The following SLC35F4 variants were observed in gnomAD, a reference collection of about 807,000 sequenced individuals.
SLC35F4 encodes the protein solute carrier family 35 member F4, also known as chromosome 14 open reading frame 36.
Under a neutral mutation model 44.2 loss-of-function variants are expected in SLC35F4, and 24 were observed. The observed-to-expected ratio is 0.54, with a 90% CI of 0.39 to 0.76. SLC35F4 has a LOEUF of 0.76. SLC35F4 is among the 30% of genes least tolerant of loss of function. The pLI is 0.00. For missense variants in SLC35F4, 562 were observed against 586.1 expected (o/e 0.96, Z 0.42); for synonymous variants, 238 against 223.6 (o/e 1.06, Z -0.57).
intron 1 of SLC35F4, chr14:57,629,970 T>A (rs1467878902): frequency 1.9e-6 from 1 of 521,162 alleles, no homozygotes; most frequent in Non-Finnish European, 3.8e-6. Context: ...ACACCAGGTA[T>A]GAAGATTTAC....
intron 1 of SLC35F4, among the ~76,000 whole-genome samples, chr14:57,647,772 C>G (rs1390047598): frequency 3.3e-5 from 5 of 152,120 alleles, no homozygotes; most frequent in Non-Finnish European, 7.4e-5. Context: ...GAATCCTCAT[C>G]CTTCACACCT....
At chr14:57,784,503 G>A (rs1399493833) in intron 1 of SLC35F4, among the ~76,000 whole-genome samples, 3 of 152,100 alleles carry the variant, frequency 2.0e-5, no homozygotes, top group Non-Finnish European at 2.9e-5. Context: ...GGGCTACATG[G>A]TAAGATCCTG....
At chr14:57,744,756 G>A (rs2076710099) in intron 1 of SLC35F4, among the ~76,000 whole-genome samples, 1 of 152,038 alleles carries the variant, frequency 6.6e-6, no homozygotes, top group Non-Finnish European at 1.5e-5. Flanking sequence ...AAGTTCATAT[G>A]GAACCAAAAA....
intron 1 of SLC35F4, among the ~76,000 whole-genome samples, chr14:57,652,638 C>T (rs554479974): frequency 8.6e-5 from 13 of 151,808 alleles, no homozygotes; most frequent in Non-Finnish European, 1.6e-4. Flanking sequence ...AACCCCCACA[C>T]AAAGATCTAA....
At chr14:57,772,664 C>A (rs944657321) in intron 1 of SLC35F4, among the ~76,000 whole-genome samples, 1 of 152,160 alleles carries the variant, frequency 6.6e-6, no homozygotes, top group South Asian at 2.1e-4. Flanking sequence ...ACAATAGCCT[C>A]TAGTTCCATC....
At chr14:57,880,025 GAAAGGAGGGAGGAAGGAAGGA>G (rs1189196172) in intron 1 of SLC35F4, among the ~76,000 whole-genome samples, 1 of 129,252 alleles carries the variant, frequency 7.7e-6, no homozygotes, top group African/African-American at 3.2e-5. Context: ...GAAAGGAAAG[GAAAGGAGGGAGGAAGGAAGGA>G]AGGAAGGAAG....
intron 1 of SLC35F4, among the ~76,000 whole-genome samples, chr14:57,701,459 A>G (rs1250362646): frequency 6.6e-6 from 1 of 152,202 alleles, no homozygotes; most frequent in African/African-American, 2.4e-5. Context: ...CTGTTAACAC[A>G]GTCATTTATT....
chr14:57,883,917 T>C (rs893877157), intron 1 of SLC35F4, among the ~76,000 whole-genome samples: 1 of 152,232 alleles, frequency 6.6e-6, no homozygotes, highest in Non-Finnish European at 1.5e-5. Flanking sequence ...CAGTATTTGA[T>C]TGTCCGTGTT....
At chr14:57,727,372 C>T (rs2076231115) in intron 1 of SLC35F4, among the ~76,000 whole-genome samples, 1 of 151,578 alleles carries the variant, frequency 6.6e-6, no homozygotes, top group Non-Finnish European at 1.5e-5. Context: ...TTTTGTTGAT[C>T]TTTTATGTTT....
intron 1 of SLC35F4, among the ~76,000 whole-genome samples, chr14:57,711,513 A>G (rs1057221068): frequency 6.6e-6 from 1 of 152,212 alleles, no homozygotes; most frequent in Non-Finnish European, 1.5e-5. Context: ...TTTATGTACA[A>G]TAATGGAAAT....
rs1342545607 is a variant in SLC35F4, at chr14:57,945,442, T to TGC, written n.282+36470_282+36471insGC. 7.9e-5 allele frequency among the ~76,000 whole-genome samples: 2 copies of TGC among 25,168 alleles called. 1 individual carries two copies. The highest frequency in any genetic ancestry group is 5.2e-4 in the African/African-American group (2 of 3,862). The allele number at this position is 25,168 out of a possible 152,430, so 16.5% of individuals were successfully genotyped here. A position where few individuals can be genotyped will look rare whatever the true frequency, so the allele number is the denominator to read the frequency against. The stretch of plus-strand genomic sequence containing the variant: ...TTACCAGGTAAGAGCAATGATAATG[T>TGC]GTGTGTGTGTGTGTGTGTGTGTGTG... On this transcript the variant is annotated intron_variant and non_coding_transcript_variant, in intron 1 of 1. Transcript: ENST00000556568.
At chr14:57,738,353 C>T (rs1385437970) in intron 1 of SLC35F4, among the ~76,000 whole-genome samples, 3 of 152,108 alleles carry the variant, frequency 2.0e-5, no homozygotes, top group East Asian at 3.9e-4. Flanking sequence ...TTCTTCTAAG[C>T]GAGTGTACCT....
At chr14:57,949,187 T>C (rs1014577022) in intron 1 of SLC35F4, among the ~76,000 whole-genome samples, 1 of 152,186 alleles carries the variant, frequency 6.6e-6, no homozygotes, top group Non-Finnish European at 1.5e-5. Flanking sequence ...TAGTAGTCAT[T>C]GTTTTATGAA....
chr14:57,758,030 T>TGTGA (rs2077037325), intron 1 of SLC35F4, among the ~76,000 whole-genome samples: 1 of 151,758 alleles, frequency 6.6e-6, no homozygotes, highest in Admixed American at 6.6e-5. Context: ...TGTGTGTGTG[T>TGTGA]GTGTGTGTGT....
intron 1 of SLC35F4, among the ~76,000 whole-genome samples, chr14:57,913,968 A>T (rs1889266696): frequency 6.6e-6 from 1 of 152,176 alleles, no homozygotes; most frequent in Non-Finnish European, 1.5e-5. Context: ...AGGTTGTTGG[A>T]TATTTTCTGA....
intron 1 of SLC35F4, among the ~76,000 whole-genome samples, chr14:57,903,862 C>T (rs951049895): frequency 3.9e-5 from 6 of 152,186 alleles, no homozygotes; most frequent in Admixed American, 2.6e-4. Flanking sequence ...CTTCTTATGA[C>T]CCAACAATAG....
In SLC35F4 at chr14:57,585,452, TA is replaced by T. The variant is rs1476435948; in HGVS notation, c.587+3763del. 5.3e-5 allele frequency among the ~76,000 whole-genome samples: 8 copies of T among 152,138 alleles called. No individual in the cohort carries two copies. The East Asian group carries it at 1.5e-3, about 29-fold the overall frequency. ...GGTCCAAGAAAAGGATGCCATCTCTTACCACTCCTATTCAACATAGTATTGG... is the reference window on the plus strand; with the variant it reads ...GGTCCAAGAAAAGGATGCCATCTCTTCCACTCCTATTCAACATAGTATTGG... On this transcript the variant is annotated intron_variant, in intron 3 of 7. Transcript: ENST00000556826.
chr14:57,606,195 T>G (rs2071154810), intron 1 of SLC35F4, among the ~76,000 whole-genome samples: 1 of 152,206 alleles, frequency 6.6e-6, no homozygotes, highest in Non-Finnish European at 1.5e-5. Context: ...AAGTCTATAG[T>G]TTAGCTATTC....
At chr14:57,876,919 T>C (rs926801972) in intron 1 of SLC35F4, among the ~76,000 whole-genome samples, 1 of 152,106 alleles carries the variant, frequency 6.6e-6, no homozygotes, top group Non-Finnish European at 1.5e-5. Flanking sequence ...TAGCAGCAAA[T>C]CCTGTAGATA....
Sources: gnomAD v4.1 joint callset for allele counts (sites outside exome capture counted in the v4.1 genomes callset) on GRCh38, gnomAD v4.1.1 for gene constraint, MANE v1.5 for transcripts, NCBI Gene and HGNC (gene_info 2026-07-23, HGNC 2026-07-21) for gene names.